GARIN5B: variants seen among roughly 807,000 people sequenced by gnomAD.
GARIN5B encodes Golgi-associated RAB2 interactor protein 5B.
the GARIN5B span, chr19:55,355,107 A>C: frequency 2.5e-6 from 1 of 406,220 alleles, no homozygotes; most frequent in Admixed American, 3.6e-5. Flanking sequence ...TGTGGGGTTA[A>C]GAGGAAAGAG....
chr19:55,358,046 CCT>C, the GARIN5B span: 1 of 1,201,438 alleles, frequency 8.3e-7, no homozygotes, highest in African/African-American at 1.8e-5. Flanking sequence ...AGAGTGAGAC[CCT>C]GTCAAAAAAA....
At chr19:55,362,768 C>A in the GARIN5B span, 1 of 1,507,666 alleles carries the variant, frequency 6.6e-7, no homozygotes, top group Non-Finnish European at 8.9e-7. Flanking sequence ...GGGACCACTC[C>A]TTCCTCCAGC....
the GARIN5B span, chr19:55,358,659 A>T: frequency 1.3e-6 from 2 of 1,551,362 alleles, no homozygotes; most frequent in Non-Finnish European, 1.7e-6. Context: ...GAGGGCACTG[A>T]AGCCATCATT....
At chr19:55,355,850 T>C in the GARIN5B span, among the ~76,000 whole-genome samples, 1,093 of 150,582 alleles carry the variant, frequency 7.3e-3, 9 homozygotes, top group African/African-American at 0.025. Context: ...GCCAGGCGTG[T>C]TGGTGCGTGC....
At chr19:55,359,109 C>T in the GARIN5B span, 1 of 1,551,204 alleles carries the variant, frequency 6.4e-7, no homozygotes, top group Admixed American at 2.0e-5. Flanking sequence ...ACCACCGGCT[C>T]CGGTTTCCCT....
the GARIN5B span, chr19:55,358,276 G>A: frequency 1.3e-6 from 2 of 1,550,802 alleles, no homozygotes; most frequent in African/African-American, 1.4e-5. Flanking sequence ...TGGCCAGGGG[G>A]TGCTGGGCTG....
At chr19:55,356,707 A>G in the GARIN5B span, among the ~76,000 whole-genome samples, 4 of 152,102 alleles carry the variant, frequency 2.6e-5, no homozygotes, top group Non-Finnish European at 5.9e-5. Context: ...TCACAATGTC[A>G]TGCAACCACC....
At chr19:55,355,454 G>T in the GARIN5B span, 1 of 1,154,720 alleles carries the variant, frequency 8.7e-7, no homozygotes, top group African/African-American at 1.5e-5. Context: ...GCGTCCCCCA[G>T]GGCGGGTCTT....
At chr19:55,355,988 C>CA in the GARIN5B span, among the ~76,000 whole-genome samples, 1 of 147,590 alleles carries the variant, frequency 6.8e-6, no homozygotes, top group Non-Finnish European at 1.5e-5. Flanking sequence ...CTCTTTTCTA[C>CA]AAAAAAATCA....
chr19:55,357,242 C>A, the GARIN5B span, among the ~76,000 whole-genome samples: 2 of 152,106 alleles, frequency 1.3e-5, no homozygotes, highest in Non-Finnish European at 2.9e-5. Flanking sequence ...ACTCTTGCCC[C>A]CCTACATCCT....
the GARIN5B span, chr19:55,358,737 G>A: frequency 5.0e-5 from 78 of 1,549,200 alleles, no homozygotes; most frequent in East Asian, 9.8e-5. Context: ...GATTTCGAGG[G>A]CTGCTCTTTG....
the GARIN5B span, chr19:55,360,801 G>A: frequency 1.4e-5 from 21 of 1,551,258 alleles, no homozygotes; most frequent in Admixed American, 5.9e-5. Context: ...GCCCTTTGGG[G>A]CAGGAACCAG....
chr19:55,361,188 G>A, the GARIN5B span: 2 of 1,551,206 alleles, frequency 1.3e-6, no homozygotes, highest in East Asian at 2.4e-5. Context: ...GCCTTCCTCT[G>A]TCTCTGAGCA....
At chr19:55,355,451 C>G in the GARIN5B span, 4 of 1,184,548 alleles carry the variant, frequency 3.4e-6, no homozygotes, top group Non-Finnish European at 4.8e-6. Context: ...AGAGCGTCCC[C>G]CAGGGCGGGT....
At chr19:55,358,852 C>A in the GARIN5B span, 1 of 1,547,272 alleles carries the variant, frequency 6.5e-7, no homozygotes, top group South Asian at 1.2e-5. Flanking sequence ...TGGCCTTGAC[C>A]CATCTCTTCC....
chr19:55,362,111 C>T, the GARIN5B span: 21 of 1,259,362 alleles, frequency 1.7e-5, no homozygotes, highest in Admixed American at 3.1e-5. Context: ...TCCAGGCCCC[C>T]AGCCCCTCCT....
chr19:55,355,321 C>T, the GARIN5B span: 1 of 1,550,468 alleles, frequency 6.4e-7, no homozygotes, highest in Non-Finnish European at 8.7e-7. Context: ...CATCCGGCCA[C>T]TCGGAGTGCT....
At chr19:55,361,246 G>A in the GARIN5B span, 2 of 1,550,852 alleles carry the variant, frequency 1.3e-6, no homozygotes, top group Non-Finnish European at 1.7e-6. Context: ...TGACTGGGAA[G>A]AGAGGAGACA....
chr19:55,361,626 C>G, the GARIN5B span, among the ~76,000 whole-genome samples: 1 of 104,450 alleles, frequency 9.6e-6, no homozygotes, highest in Non-Finnish European at 2.3e-5. Flanking sequence ...CCTCCTCCCT[C>G]AGACCCAGGA....
Sources: allele counts gnomAD v4.1 joint callset (sites outside exome capture counted in the v4.1 genomes callset), GRCh38; gene constraint gnomAD v4.1.1; transcripts MANE v1.5; gene names NCBI Gene and HGNC (gene_info 2026-07-23, HGNC 2026-07-21).